The following CALN1 variants were observed in gnomAD, a reference collection of about 807,000 sequenced individuals.
CALN1 encodes calneuron 1.
In CALN1, 17 loss-of-function variants were observed where a neutral mutation model predicts 30.6. The ratio of observed to expected loss-of-function variants is 0.56; its 90% CI spans 0.38 to 0.83. The LOEUF is 0.83. Among genes scored for constraint, CALN1 ranks in the 40% least tolerant of loss-of-function variants. The probability of loss-of-function intolerance (pLI) is 0.00; values close to 1 mark genes in which losing one functional copy is unlikely to be tolerated. For synonymous variants in CALN1, 156 were observed against 131.4 expected, an observed-to-expected ratio of 1.19 and a Z score of -1.28; for missense variants, 291 against 354.9, an observed-to-expected ratio of 0.82 and a Z score of 1.45.
chr7:72,283,141 A>G (rs1202370852), intron 2 of CALN1, among the ~76,000 whole-genome samples: 6 of 152,104 alleles, frequency 3.9e-5, no homozygotes, highest in Non-Finnish European at 5.9e-5. Flanking sequence ...AGCCAGGTAA[A>G]TAAGTAGTTT....
chr7:72,378,687 GTTT>G (rs35655046), intron 2 of CALN1, among the ~76,000 whole-genome samples: 24 of 148,104 alleles, frequency 1.6e-4, no homozygotes, highest in East Asian at 1.4e-3. Context: ...CATCTGCCAA[GTTT>G]TTTTTTTTTT....
At chr7:72,196,540 T>A (rs1033268410) in intron 3 of CALN1, among the ~76,000 whole-genome samples, 1 of 152,204 alleles carries the variant, frequency 6.6e-6, no homozygotes, top group Admixed American at 6.5e-5. Context: ...TTGTATAGTA[T>A]GTGAACAGCT....
intron 2 of CALN1, among the ~76,000 whole-genome samples, chr7:72,400,473 C>T (rs1806265274): frequency 1.3e-5 from 2 of 152,334 alleles, no homozygotes; most frequent in South Asian, 4.1e-4. Flanking sequence ...TTGAACCGGC[C>T]ATTGCTTGGC....
At chr7:71,846,358 C>T (rs1219114759) in intron 5 of CALN1, among the ~76,000 whole-genome samples, 4 of 152,130 alleles carry the variant, frequency 2.6e-5, no homozygotes, top group Non-Finnish European at 5.9e-5. Flanking sequence ...CAGGCTGAGG[C>T]GCTGTCCATG....
At chr7:72,239,003 C>T (rs1449567883) in intron 3 of CALN1, among the ~76,000 whole-genome samples, 1 of 152,192 alleles carries the variant, frequency 6.6e-6, no homozygotes. Context: ...TCTTGCCCCA[C>T]CTTAAACAGC....
chr7:72,006,949 C>T (rs1407373275), intron 5 of CALN1, among the ~76,000 whole-genome samples: 1 of 152,142 alleles, frequency 6.6e-6, no homozygotes, highest in South Asian at 2.1e-4. Context: ...ACTTTGCATA[C>T]AGATTAAATC....
intron 3 of CALN1, among the ~76,000 whole-genome samples, chr7:72,192,253 G>A (rs1451823316): frequency 6.6e-6 from 1 of 152,126 alleles, no homozygotes; most frequent in African/African-American, 2.4e-5. Context: ...AATACTGTAG[G>A]CAACTGTAAC....
At chr7:72,122,389 C>A (rs1471194206) in intron 3 of CALN1, among the ~76,000 whole-genome samples, 1 of 152,096 alleles carries the variant, frequency 6.6e-6, no homozygotes, top group Non-Finnish European at 1.5e-5. Flanking sequence ...GGGAGCAACT[C>A]TCTCAGGCAT....
chr7:72,163,577 G>A (rs1275202441), intron 3 of CALN1, among the ~76,000 whole-genome samples: 1 of 152,044 alleles, frequency 6.6e-6, no homozygotes, highest in Non-Finnish European at 1.5e-5. Context: ...AACCTCTGCA[G>A]AGAAACAAAA....
At position 72,205,551 on chromosome 7, in the gene CALN1, A is replaced by AAAATATATACATATATATATAT; in HGVS notation, c.244+73134_244+73135insATATATATATATGTATATATTT. Among the ~76,000 whole-genome samples, 53 of 83,038 alleles carry AAAATATATACATATATATATAT rather than the reference A, an allele frequency of 6.4e-4. 2 individuals carry two copies. The highest frequency in any genetic ancestry group is 3.4e-3 in the African/African-American group (46 of 13,438). 54.5% of individuals were successfully genotyped at this position (83,038 alleles called of 152,430 possible). On this transcript the variant is annotated intron_variant, in intron 3 of 6. Coordinates refer to ENST00000395275, the MANE Select transcript of CALN1 (RefSeq NM_031468.4). ...ATTTTTCTCCTGATTGCAAAAAAAA[A>AAAATATATACATATATATATAT]ATATATATATATATATGTATATATA...
chr7:72,383,669 G>C (rs1039687432), intron 2 of CALN1, among the ~76,000 whole-genome samples: 48 of 152,224 alleles, frequency 3.2e-4, no homozygotes, highest in Non-Finnish European at 5.9e-4. Context: ...GAAGTGTTCT[G>C]GGAAGGGACA....
At chr7:71,910,798 G>A (rs767228292) in intron 5 of CALN1, among the ~76,000 whole-genome samples, 7 of 151,892 alleles carry the variant, frequency 4.6e-5, no homozygotes, top group African/African-American at 1.2e-4. Context: ...CTTGTTTCTC[G>A]AACTGTCCTA....
At chr7:72,087,440 C>T (rs371723085) in intron 4 of CALN1, among the ~76,000 whole-genome samples, 23 of 152,072 alleles carry the variant, frequency 1.5e-4, no homozygotes, top group African/African-American at 5.5e-4. Context: ...GCTGAGGCAG[C>T]CACCACCAAT....
chr7:71,890,746 C>CTTTTTTTTTT (rs10690153), intron 5 of CALN1, among the ~76,000 whole-genome samples: 2 of 123,226 alleles, frequency 1.6e-5, no homozygotes, highest in Admixed American at 9.5e-5. Flanking sequence ...TGTTTTCTAG[C>CTTTTTTTTTT]TTTTTTTTTT....
At chr7:71,963,150 CTT>C (rs1477696841) in intron 5 of CALN1, among the ~76,000 whole-genome samples, 1 of 151,918 alleles carries the variant, frequency 6.6e-6, no homozygotes, top group Admixed American at 6.6e-5. Flanking sequence ...CTCTAAGAAA[CTT>C]TGTTATTTTT....
intron 3 of CALN1, among the ~76,000 whole-genome samples, chr7:72,227,735 T>C (rs922544501): frequency 2.0e-5 from 3 of 150,588 alleles, no homozygotes; most frequent in Non-Finnish European, 4.4e-5. Context: ...CCTCTGAATC[T>C]AAAATAAAAA....
intron 3 of CALN1, among the ~76,000 whole-genome samples, chr7:72,260,694 T>G (rs1471198423): frequency 6.6e-6 from 1 of 152,044 alleles, no homozygotes. Context: ...GCTAAGCCAT[T>G]GCACTTGGCT....
chr7:72,058,931 G>C (rs1803462855), intron 4 of CALN1, among the ~76,000 whole-genome samples: 1 of 152,096 alleles, frequency 6.6e-6, no homozygotes, highest in Non-Finnish European at 1.5e-5. Context: ...AGGAGGAAGT[G>C]TAATCATTTT....
At chr7:71,814,919 C>T (rs574966103) in intron 5 of CALN1, among the ~76,000 whole-genome samples, 17 of 151,878 alleles carry the variant, frequency 1.1e-4, no homozygotes, top group Non-Finnish European at 1.6e-4. Context: ...CTGTAATCTC[C>T]GCCTCCTGGG....
Sources: gnomAD v4.1 joint callset for allele counts (sites outside exome capture counted in the v4.1 genomes callset) on GRCh38, gnomAD v4.1.1 for gene constraint, MANE v1.5 for transcripts, NCBI Gene and HGNC (gene_info 2026-07-23, HGNC 2026-07-21) for gene names.